Variants in RAD52 observed in about 807,000 individuals in gnomAD.
The protein encoded by RAD52 is DNA repair protein RAD52 homolog.
In RAD52, 47 loss-of-function variants were observed where a neutral mutation model predicts 55.5. The observed-to-expected ratio is 0.85, with a 90% CI of 0.67 to 1.08. The LOEUF is 1.08. Ranked by LOEUF, RAD52 falls within the 50% of genes least tolerant of loss-of-function variation. The pLI is 0.00. For missense variants in RAD52, 468 were observed against 522.8 expected (o/e 0.90, Z 1.02); for synonymous variants, 184 against 198.9 (o/e 0.92, Z 0.63).
chr12:990,788 G>C (rs1026744761), upstream of RAD52, among the ~76,000 whole-genome samples: 1 of 152,136 alleles, frequency 6.6e-6, no homozygotes. Context: ...GAGAAGTAGG[G>C]GGTGGGGCGC....
rs966244860 is a variant in RAD52, at chr12:912,692, C to G, written c.*699G>C. 7.2e-6 allele frequency: 1 copy of G among 139,782 alleles called. No individual in the cohort carries two copies. The highest frequency in any genetic ancestry group is 3.0e-5 in the African/African-American group (1 of 33,642). The allele number at this position is 139,782 out of a possible 1,614,324, so 8.7% of individuals were successfully genotyped here. A position where few individuals can be genotyped will look rare whatever the true frequency, so the allele number is the denominator to read the frequency against. On this transcript the variant is annotated 3_prime_UTR_variant, in exon 12 of 12. Transcript: ENST00000358495. ...GAGCTGTGTTTGCACCACTGAACTCCAGTCAGGGCAACACAGCCAGACCCC... is the reference window on the plus strand; with the variant it reads ...GAGCTGTGTTTGCACCACTGAACTCGAGTCAGGGCAACACAGCCAGACCCC...
upstream of RAD52, chr12:990,952 A>AGTGTGTGTGAGT (rs1555185839): frequency 1.3e-5 from 2 of 150,032 alleles, no homozygotes; most frequent in Non-Finnish European, 3.0e-5. Flanking sequence ...TGTGTGTGTG[A>AGTGTGTGTGAGT]GTGTGTGTGT....
At chr12:931,539 C>T (rs895520005) in intron 2 of RAD52, among the ~76,000 whole-genome samples, 3 of 152,200 alleles carry the variant, frequency 2.0e-5, no homozygotes, top group Non-Finnish European at 4.4e-5. Context: ...ATCATGCACT[C>T]TCTGAAAACT....
chr12:987,258 C>G (rs543940471), intron 1 of RAD52, among the ~76,000 whole-genome samples: 29 of 152,174 alleles, frequency 1.9e-4, no homozygotes, highest in Admixed American at 6.5e-4. Context: ...TGTGAGCCAC[C>G]GTGCCCAGCC....
At chr12:946,117 G>A (rs546417667) in intron 1 of RAD52, among the ~76,000 whole-genome samples, 3 of 152,138 alleles carry the variant, frequency 2.0e-5, no homozygotes, top group South Asian at 2.1e-4. Context: ...AGAGAACTGC[G>A]GGGCCATACA....
intron 1 of RAD52, among the ~76,000 whole-genome samples, chr12:980,278 C>CTA (rs771171218): frequency 4.8e-4 from 73 of 150,884 alleles, no homozygotes; most frequent in Non-Finnish European, 8.9e-4. Flanking sequence ...AAAATGTCTC[C>CTA]TATTGTGTTG....
chr12:979,456 A>T (rs560919962), intron 1 of RAD52, among the ~76,000 whole-genome samples: 1 of 151,984 alleles, frequency 6.6e-6, no homozygotes, highest in South Asian at 2.1e-4. Flanking sequence ...GAAAAAAAAA[A>T]GGTTAATTGA....
chr12:937,116 G>A (rs1208456052), intron 1 of RAD52, among the ~76,000 whole-genome samples: 1 of 152,180 alleles, frequency 6.6e-6, no homozygotes, highest in East Asian at 1.9e-4. Context: ...AAGCTGAGGG[G>A]TCCGTCCACC....
At chr12:958,914 T>C (rs1184090575) in intron 1 of RAD52, among the ~76,000 whole-genome samples, 1 of 152,130 alleles carries the variant, frequency 6.6e-6, no homozygotes, top group African/African-American at 2.4e-5. Context: ...GTCATAACAT[T>C]GTGTGTCTTT....
chr12:914,567 C>A (rs751465987), intron 9 of RAD52, 35 bp from the exon 10 acceptor site: 1 of 1,610,802 alleles, frequency 6.2e-7, no homozygotes, highest in South Asian at 1.1e-5. Context: ...GACAAGTCAT[C>A]ATCACATCAC....
At chr12:927,738 C>T (rs1957116927) in intron 5 of RAD52, among the ~76,000 whole-genome samples, 1 of 152,010 alleles carries the variant, frequency 6.6e-6, no homozygotes, top group African/African-American at 2.4e-5. Flanking sequence ...TGGTGGTGGG[C>T]ACCTGTAATC....
intron 1 of RAD52, among the ~76,000 whole-genome samples, chr12:961,039 C>T (rs1057147910): frequency 7.3e-5 from 11 of 151,710 alleles, no homozygotes; most frequent in East Asian, 1.9e-4. Context: ...AAAGAGGGGC[C>T]GGGTGCAGTG....
intron 1 of RAD52, among the ~76,000 whole-genome samples, chr12:966,482 C>T (rs1299145127): frequency 1.3e-5 from 2 of 152,096 alleles, no homozygotes; most frequent in East Asian, 3.8e-4. Flanking sequence ...GTCTGCCATG[C>T]CACCTCCATT....
intron 1 of RAD52, among the ~76,000 whole-genome samples, chr12:965,074 G>T (rs1180737255): frequency 6.6e-6 from 1 of 151,874 alleles, no homozygotes; most frequent in Non-Finnish European, 1.5e-5. Context: ...CTGCCTCCTG[G>T]GTTCAAGCGA....
At chr12:944,076 C>A (rs1464855477) in intron 1 of RAD52, among the ~76,000 whole-genome samples, 1 of 151,890 alleles carries the variant, frequency 6.6e-6, no homozygotes. Context: ...ATTAGCTGGG[C>A]CTGGTGGAAT....
intron 1 of RAD52, among the ~76,000 whole-genome samples, chr12:936,175 G>A (rs989433465): frequency 6.6e-6 from 1 of 151,448 alleles, no homozygotes; most frequent in Non-Finnish European, 1.5e-5. Context: ...GCAGTGGCGC[G>A]TGCCTGTAGT....
intron 1 of RAD52, among the ~76,000 whole-genome samples, chr12:978,449 T>C (rs1017324732): frequency 2.6e-5 from 4 of 152,356 alleles, no homozygotes; most frequent in African/African-American, 9.6e-5. Flanking sequence ...GTGGCTATAG[T>C]GTCAATTTTA....
At chr12:983,938 A>C (rs1398296481) in intron 1 of RAD52, among the ~76,000 whole-genome samples, 1 of 152,192 alleles carries the variant, frequency 6.6e-6, no homozygotes, top group Non-Finnish European at 1.5e-5. Flanking sequence ...TCAGTCTTTA[A>C]CAGTGTAATG....
chr12:945,145 G>A (rs1958141048), intron 1 of RAD52, among the ~76,000 whole-genome samples: 1 of 152,112 alleles, frequency 6.6e-6, no homozygotes, highest in Admixed American at 6.5e-5. Context: ...GAGGTCAGGA[G>A]TTCAAGACCA....
Sources: allele counts gnomAD v4.1 joint callset (sites outside exome capture counted in the v4.1 genomes callset), GRCh38; gene constraint gnomAD v4.1.1; transcripts MANE v1.5; gene names NCBI Gene and HGNC (gene_info 2026-07-23, HGNC 2026-07-21).